Variants in FAM171A1 observed in about 807,000 individuals in gnomAD.
FAM171A1 encodes family with sequence similarity 171 member A1, also known as protein FAM171A1.
FAM171A1 carries 23 observed loss-of-function variants against 74.9 expected under a neutral mutation model. The ratio of observed to expected loss-of-function variants is 0.31; its 90% CI spans 0.22 to 0.44. The LOEUF is 0.44. FAM171A1 is among the 20% of genes least tolerant of loss of function. FAM171A1 has a pLI of 1.00. For synonymous variants in FAM171A1, 527 were observed against 505.7 expected (o/e 1.04, Z -0.57); for missense variants, 1,162 against 1,159.2 (o/e 1.00, Z -0.03).
chr10:15,362,970 G>A (rs900649096), intron 1 of FAM171A1, among the ~76,000 whole-genome samples: 3 of 152,112 alleles, frequency 2.0e-5, no homozygotes, highest in Non-Finnish European at 2.9e-5. Flanking sequence ...GCCCCTCCCC[G>A]ACAGACCACC....
chr10:15,284,467 G>A (rs991261521), intron 1 of FAM171A1, among the ~76,000 whole-genome samples: 2 of 152,066 alleles, frequency 1.3e-5, no homozygotes, highest in Non-Finnish European at 2.9e-5. Flanking sequence ...CTGTTGCACA[G>A]GCTGGAGTAC....
rs771127014 is a variant in FAM171A1 at position 15,214,091 on chromosome 10, T to C, written c.1497A>G (p.Glu499=). Residue 499 remains glutamate, a synonymous_variant, in exon 8 of 8, where the codon GAA becomes GAG. Transcript: ENST00000378116. ...AGGCTGGACCTTCTCTGTCCTGCTTTTCAAATAAAGGCTGTGAGAGCACGG... is the reference window on the plus strand; with the variant it reads ...AGGCTGGACCTTCTCTGTCCTGCTTCTCAAATAAAGGCTGTGAGAGCACGG... ...YNTVLSQPLF[E]KQDREGPAST... 3 of 1,614,166 alleles carry C rather than the reference T, an allele frequency of 1.9e-6. No individual in the cohort carries two copies. The highest frequency in any genetic ancestry group is 1.3e-5 in the African/African-American group (1 of 75,034).
At chr10:15,266,053 T>C (rs1362950187) in intron 3 of FAM171A1, among the ~76,000 whole-genome samples, 2 of 152,170 alleles carry the variant, frequency 1.3e-5, no homozygotes, top group Non-Finnish European at 2.9e-5. Context: ...GGTTTCCCTG[T>C]AACACTGGGC....
At chr10:15,248,182 T>C (rs1297916494) in intron 5 of FAM171A1, among the ~76,000 whole-genome samples, 2 of 152,160 alleles carry the variant, frequency 1.3e-5, no homozygotes, top group East Asian at 1.9e-4. Flanking sequence ...GAATTCAAGA[T>C]ATATTAGTGG....
At chr10:15,327,411 A>T (rs1835568763) in intron 1 of FAM171A1, among the ~76,000 whole-genome samples, 1 of 152,176 alleles carries the variant, frequency 6.6e-6, no homozygotes, top group African/African-American at 2.4e-5. Flanking sequence ...GCACTTTGGG[A>T]GGCCAAGGCA....
intron 3 of FAM171A1, among the ~76,000 whole-genome samples, chr10:15,270,636 C>A (rs546907495): frequency 6.6e-6 from 1 of 152,130 alleles, no homozygotes; most frequent in Non-Finnish European, 1.5e-5. Flanking sequence ...CAGTAGGGGC[C>A]GACTGACACC....
Position 15,212,830 on chromosome 10 carries a change from G to T in FAM171A1, c.*85C>A. 6.5e-7 allele frequency: 1 copy of T among 1,540,922 alleles called. No individual in the cohort carries two copies. The highest frequency in any genetic ancestry group is 8.7e-7 in the Non-Finnish European group (1 of 1,144,184). ...CGTCCCACGGCTGGGCTGCCGTTCC[G>T]TTTCCTCCACGAACGGGTACGCGCT... On this transcript the variant is annotated 3_prime_UTR_variant, in exon 8 of 8. Transcript: ENST00000378116.
At chr10:15,362,397 C>T (rs1836004965) in intron 1 of FAM171A1, among the ~76,000 whole-genome samples, 1 of 152,188 alleles carries the variant, frequency 6.6e-6, no homozygotes, top group Non-Finnish European at 1.5e-5. Context: ...TGCATAACTC[C>T]TTGAAATATC....
At position 15,214,555 on chromosome 10, in the gene FAM171A1, G is replaced by A. The variant is rs1182533301; in HGVS notation, c.1033C>T (p.Pro345Ser). ...PRQHHRKLQL[P>S]AGLESSKRDQ... is the part of the protein sequence containing the mutation. The stretch of plus-strand genomic sequence containing the variant: ...CTTTTGGAACTCTCCAGTCCTGCAG[G>A]GAGCTGCAGTTTTCTGTGGTGCTGA... Residue 345 changes from proline to serine, a missense_variant, in exon 8 of 8, where the codon CCT becomes TCT. Coordinates refer to ENST00000378116, the MANE Select transcript of FAM171A1 (RefSeq NM_001010924.2). The A allele has an allele frequency of 6.2e-7, 1 of 1,612,730 alleles. No homozygotes were observed. Among genetic ancestry groups the A allele is most frequent in the African/African-American group, 1.3e-5 (1 of 74,966 alleles).
At chr10:15,266,360 C>A (rs1272066091) in intron 3 of FAM171A1, among the ~76,000 whole-genome samples, 1 of 152,142 alleles carries the variant, frequency 6.6e-6, no homozygotes, top group Admixed American at 6.5e-5. Flanking sequence ...AGGGATAGGG[C>A]CACAGGACAC....
chr10:15,234,307 G>T (rs944589133), intron 5 of FAM171A1, among the ~76,000 whole-genome samples: 1 of 152,148 alleles, frequency 6.6e-6, no homozygotes, highest in African/African-American at 2.4e-5. Flanking sequence ...AATAAATTTC[G>T]AATTAAAAAC....
At chr10:15,318,428 G>A (rs766019515) in intron 1 of FAM171A1, among the ~76,000 whole-genome samples, 8 of 152,128 alleles carry the variant, frequency 5.3e-5, no homozygotes, top group Non-Finnish European at 1.2e-4. Context: ...ATCTGCGTGC[G>A]GTAAGTCTAT....
intron 3 of FAM171A1, among the ~76,000 whole-genome samples, chr10:15,259,550 A>G (rs754777908): frequency 3.8e-4 from 58 of 152,222 alleles, no homozygotes; most frequent in Non-Finnish European, 5.4e-4. Flanking sequence ...GAATTTACAA[A>G]GTGCATAAAT....
At chr10:15,297,855 G>A (rs1322369660) in intron 1 of FAM171A1, among the ~76,000 whole-genome samples, 1 of 152,116 alleles carries the variant, frequency 6.6e-6, no homozygotes, top group Non-Finnish European at 1.5e-5. Flanking sequence ...TTCTAGGGCT[G>A]GTTCCATATG....
intron 3 of FAM171A1, among the ~76,000 whole-genome samples, chr10:15,255,374 A>G (rs932253793): frequency 2.0e-5 from 3 of 152,226 alleles, no homozygotes; most frequent in African/African-American, 7.2e-5. Flanking sequence ...CAACCTTGAA[A>G]AGAATTGCAA....
chr10:15,341,249 G>A lies in FAM171A1; in HGVS notation c.97+29707C>T, dbSNP rs995578435. Among the ~76,000 whole-genome samples the A allele has an allele frequency of 2.0e-5, 3 of 152,122 alleles. No homozygotes were observed. In the South Asian group the frequency reaches 6.2e-4, roughly 32 times the overall value. On this transcript the variant is annotated intron_variant, in intron 1 of 7. Coordinates refer to ENST00000378116, the MANE Select transcript of FAM171A1 (RefSeq NM_001010924.2). ...CAGCTCCCCCTAAATTCCATTTTTA[G>A]TAACAAAACACCTCTGCTTAGCTTA...
intron 1 of FAM171A1, among the ~76,000 whole-genome samples, chr10:15,302,830 A>T (rs117503331): frequency 0.011 from 1,742 of 152,324 alleles, 20 homozygotes; most frequent in Non-Finnish European, 0.017. Flanking sequence ...TGACTGAATA[A>T]ATTCTGTATT....
chr10:15,268,965 C>G (rs1393336092), intron 3 of FAM171A1, among the ~76,000 whole-genome samples: 1 of 152,156 alleles, frequency 6.6e-6, no homozygotes, highest in Non-Finnish European at 1.5e-5. Context: ...TCACTTGGAC[C>G]TGGGAGGCGG....
intron 1 of FAM171A1, among the ~76,000 whole-genome samples, chr10:15,363,459 G>C (rs74932060): frequency 1.3e-5 from 2 of 152,308 alleles, no homozygotes; most frequent in East Asian, 3.9e-4. Flanking sequence ...CTATGAGAGA[G>C]AGACAAAGAT....
Sources: gnomAD v4.1 joint callset for allele counts (sites outside exome capture counted in the v4.1 genomes callset) on GRCh38, gnomAD v4.1.1 for gene constraint, MANE v1.5 for transcripts, NCBI Gene and HGNC (gene_info 2026-07-23, HGNC 2026-07-21) for gene names.